Variants in ERAP1 observed in about 807,000 individuals in gnomAD.
ERAP1 encodes endoplasmic reticulum aminopeptidase 1.
Under a neutral mutation model 103.7 loss-of-function variants are expected in ERAP1, and 86 were observed. That is an observed-to-expected ratio of 0.83 (90% CI 0.70 to 0.99). The LOEUF is 0.99. Ranked by LOEUF, ERAP1 falls within the 50% of genes least tolerant of loss-of-function variation. The pLI, the probability that ERAP1 is intolerant of heterozygous loss-of-function variation, is 0.00. For synonymous variants in ERAP1, 398 were observed against 402.4 expected, an observed-to-expected ratio of 0.99 and a Z score of 0.13; for missense variants, 1,009 against 1,128.4, an observed-to-expected ratio of 0.89 and a Z score of 1.52.
the ERAP1 span, among the ~76,000 whole-genome samples, chr5:96,864,201 T>C: frequency 3.9e-5 from 6 of 152,226 alleles, no homozygotes; most frequent in African/African-American, 1.4e-4. Flanking sequence ...TGAATAATGT[T>C]ACCACTTTCC....
chr5:96,917,731 C>G, the ERAP1 span: 2 of 618,090 alleles, frequency 3.2e-6, no homozygotes, highest in East Asian at 8.3e-5. Context: ...ACGGTGAGAC[C>G]CCGTCTCCGC....
chr5:96,804,366 C>T, intron 1 of ERAP1: 1 of 300,400 alleles, frequency 3.3e-6, no homozygotes, highest in Non-Finnish European at 6.4e-6. Flanking sequence ...AGAGGAACAT[C>T]TGATCAAGCA....
downstream of ERAP1, chr5:96,771,906 A>AT (rs1772513974): frequency 2.4e-6 from 1 of 409,060 alleles, no homozygotes; most frequent in Admixed American, 4.3e-5. Context: ...TGAAATGTTT[A>AT]AAAACCTTAA....
At chr5:96,879,456 CAG>C in the ERAP1 span, 2 of 451,232 alleles carry the variant, frequency 4.4e-6, no homozygotes, top group South Asian at 7.4e-5. Flanking sequence ...CTAATTCTGA[CAG>C]AGAGCAGATT....
At chr5:96,854,517 A>G in the ERAP1 span, among the ~76,000 whole-genome samples, 3 of 152,192 alleles carry the variant, frequency 2.0e-5, no homozygotes, top group African/African-American at 7.2e-5. Context: ...AATGCCAAGT[A>G]TAGGCATCTT....
chr5:96,768,078 T>TAGA, intron 19 of ERAP1: 1 of 930,270 alleles, frequency 1.1e-6, no homozygotes, highest in Non-Finnish European at 1.8e-6. Flanking sequence ...TATTTATTGA[T>TAGA]TGATCTATCT....
At chr5:96,868,634 C>T in the ERAP1 span, among the ~76,000 whole-genome samples, 5 of 152,146 alleles carry the variant, frequency 3.3e-5, no homozygotes, top group South Asian at 1.0e-3. Context: ...GCTAGTGGTT[C>T]TCAAATTTTA....
At chr5:96,797,399 A>G in intron 3 of ERAP1, 90 bp from the exon 4 acceptor site, 1 of 1,433,648 alleles carries the variant, frequency 7.0e-7, no homozygotes, top group East Asian at 2.3e-5. Flanking sequence ...CATAATATTA[A>G]AAGTGTATCA....
At chr5:96,930,944 G>C in the ERAP1 span, among the ~76,000 whole-genome samples, 1 of 152,178 alleles carries the variant, frequency 6.6e-6, no homozygotes, top group Non-Finnish European at 1.5e-5. Context: ...TAGGCAAAGT[G>C]CGGGAATTGA....
chr5:96,776,728 T>A, intron 18 of ERAP1, 177 bp from the exon 19 acceptor site: 1 of 819,876 alleles, frequency 1.2e-6, no homozygotes, highest in South Asian at 1.9e-5. Flanking sequence ...TCATGCCTCA[T>A]GATGTCAAGT....
chr5:96,807,699 T>C (rs1778801825), intron 1 of ERAP1, among the ~76,000 whole-genome samples, 161 bp downstream of exon 1: 1 of 151,638 alleles, frequency 6.6e-6, no homozygotes, highest in South Asian at 2.1e-4. Flanking sequence ...CCGCGCCCCG[T>C]CGCCTTCCTC....
downstream of ERAP1, chr5:96,771,598 T>C (rs772104651): frequency 6.5e-7 from 1 of 1,537,952 alleles, no homozygotes; most frequent in Non-Finnish European, 9.0e-7. Context: ...TCCTCATACT[T>C]AATACAGAAA....
chr5:96,820,320 A>T, the ERAP1 span, among the ~76,000 whole-genome samples: 1 of 152,104 alleles, frequency 6.6e-6, no homozygotes, highest in Non-Finnish European at 1.5e-5. Context: ...CATTTTCAGA[A>T]TTAGTAGCAA....
In ERAP1 at chr5:96,797,180, C is replaced by T. The variant is rs149597747; in HGVS notation, c.793G>A (p.Val265Ile). The T allele has an allele frequency of 3.6e-5, 58 of 1,614,016 alleles. No individual in the cohort carries two copies. Among genetic ancestry groups the T allele is most frequent in the African/African-American group, 3.1e-4 (23 of 74,926 alleles). The change falls in exon 4 of 19, where the codon GTC (valine) becomes ATC (isoleucine). Residue 265 changes from valine (V) to isoleucine (I), a missense_variant. This residue lies in a region of ERAP1 where 392 missense variants were observed against 455.2 expected (regional missense o/e 0.86). Coordinates refer to ENST00000443439, the MANE Select transcript of ERAP1 (RefSeq NM_001040458.3). ...TGTGACAGTCATAGGCTCACCTTGA[C>T]TCCACTCTTGGTTATCTTGCTGACA... The part of the protein sequence containing the change: ...ESVSKITKSG[V>I]KVSVYAVPDK...
chr5:96,814,619 T>G, the ERAP1 span, among the ~76,000 whole-genome samples: 1 of 152,164 alleles, frequency 6.6e-6, no homozygotes, highest in East Asian at 1.9e-4. Context: ...GAGAAATCAA[T>G]GATAGCTTTT....
chr5:96,780,466 A>C lies in ERAP1; in HGVS notation c.2627T>G (p.Met876Arg). The C allele has an allele frequency of 6.2e-7, 1 of 1,613,374 alleles. No individual in the cohort carries two copies. Among genetic ancestry groups the C allele is most frequent in the East Asian group, 2.2e-5 (1 of 44,830 alleles). ...LGSSSIAHMVMGTTNQFSTRT... is the reference protein window; with the variant it reads ...LGSSSIAHMVRGTTNQFSTRT... ...TGTGGAGAATTGATTTGTTGTACCC[A>C]TTACCATGTGGGCTATGGAAGATGA... The change falls in exon 18 of 19, where the codon ATG (methionine) becomes AGG (arginine). Residue 876 changes from methionine to arginine, a missense_variant. Physicochemically the swap from Met to Arg is moderately conservative, Grantham distance 91. Coordinates refer to ENST00000443439, the MANE Select transcript of ERAP1 (RefSeq NM_001040458.3).
chr5:96,771,617 C>G (rs1423756272), downstream of ERAP1: 1 of 1,599,154 alleles, frequency 6.3e-7, no homozygotes, highest in South Asian at 1.1e-5. Context: ...AAAGAAAGCT[C>G]ACGGATGGTT....
the ERAP1 span, among the ~76,000 whole-genome samples, chr5:96,928,744 G>A: frequency 1.3e-5 from 2 of 152,146 alleles, no homozygotes; most frequent in Non-Finnish European, 2.9e-5. Flanking sequence ...CCCCATCCAT[G>A]TCTACTATTT....
chr5:96,778,665 G>A (rs922881651), intron 18 of ERAP1, among the ~76,000 whole-genome samples: 6 of 152,190 alleles, frequency 3.9e-5, no homozygotes, highest in Admixed American at 3.3e-4. Context: ...AGAAGCCAGG[G>A]TCAGTTATGG....
Sources: allele counts gnomAD v4.1 joint callset (sites outside exome capture counted in the v4.1 genomes callset), GRCh38; gene constraint gnomAD v4.1.1; regional missense constraint gnomAD v4.1.1; transcripts MANE v1.5; gene names NCBI Gene and HGNC (gene_info 2026-07-23, HGNC 2026-07-21).